Variants in CPNE4 observed in about 807,000 individuals in gnomAD.
CPNE4 encodes copine 4.
In CPNE4, 25 loss-of-function variants were observed where a neutral mutation model predicts 67.9. That is an observed-to-expected ratio of 0.37 (90% CI 0.27 to 0.51). The LOEUF (loss-of-function observed/expected upper bound fraction) is 0.51, where lower values mean the gene tolerates loss of function less well. Among genes scored for constraint, CPNE4 ranks in the 20% least tolerant of loss-of-function variants. The probability of loss-of-function intolerance (pLI) is 0.93; values close to 1 mark genes in which losing one functional copy is unlikely to be tolerated. For missense variants in CPNE4, 464 were observed against 690.8 expected, an observed-to-expected ratio of 0.67 and a Z score of 3.68; for synonymous variants, 242 against 244.9, an observed-to-expected ratio of 0.99 and a Z score of 0.11.
intron 2 of CPNE4, among the ~76,000 whole-genome samples, chr3:131,798,409 A>G (rs2083978793): frequency 1.3e-5 from 2 of 152,186 alleles, no homozygotes; most frequent in African/African-American, 4.8e-5. Context: ...GACAATGGGA[A>G]GCTAAATAGG....
intron 7 of CPNE4, among the ~76,000 whole-genome samples, chr3:131,594,131 G>A (rs113319624): frequency 2.6e-5 from 4 of 152,196 alleles, no homozygotes; most frequent in African/African-American, 9.6e-5. Context: ...TGTTAGCTGT[G>A]AGCTTGTCAT....
intron 2 of CPNE4, among the ~76,000 whole-genome samples, chr3:131,880,830 G>A (rs4854851): frequency 0.63 from 96,229 of 151,900 alleles, 30,688 homozygotes; most frequent in Admixed American, 0.72. Context: ...TGAGAAATAG[G>A]TTGCTTTGAA....
intron 2 of CPNE4, among the ~76,000 whole-genome samples, chr3:131,736,643 T>C (rs546445334): frequency 6.8e-6 from 1 of 147,714 alleles, no homozygotes; most frequent in East Asian, 2.0e-4. Context: ...AAGTTGAAGA[T>C]GCTTACACAA....
At chr3:131,536,928 C>A (rs1935179891) in intron 15 of CPNE4, among the ~76,000 whole-genome samples, 3 of 152,132 alleles carry the variant, frequency 2.0e-5, no homozygotes, top group Admixed American at 2.0e-4. Flanking sequence ...CTAGGGATAA[C>A]AATATGACCC....
chr3:131,961,158 G>A (rs1212101721), intron 1 of CPNE4, among the ~76,000 whole-genome samples: 1 of 152,182 alleles, frequency 6.6e-6, no homozygotes, highest in East Asian at 1.9e-4. Context: ...TACTTTTGTA[G>A]AGAAAGTTAA....
intron 1 of CPNE4, among the ~76,000 whole-genome samples, chr3:131,950,377 T>C (rs1345938161): frequency 2.0e-5 from 3 of 152,194 alleles, no homozygotes; most frequent in African/African-American, 7.2e-5. Flanking sequence ...GCACTACTCT[T>C]AGGGGCCACT....
Position 131,655,916 on chromosome 3 carries a change from C to A in CPNE4, c.681+13759G>T, listed in dbSNP as rs151141355. Among the ~76,000 whole-genome samples the A allele has an allele frequency of 7.1e-3, 1,082 of 152,240 alleles. 9 individuals are homozygous for A. The highest frequency in any genetic ancestry group is 0.025 in the African/African-American group (1,029 of 41,540). On this transcript the variant is annotated intron_variant, in intron 7 of 15. Coordinates refer to ENST00000429747, the MANE Select transcript of CPNE4 (RefSeq NM_130808.3). The stretch of plus-strand genomic sequence containing the variant: ...AAGCAAAGTACTAAACCATAAAATA[C>A]GCCAGTGAAATAAAAAGGACCTGAC...
intron 7 of CPNE4, among the ~76,000 whole-genome samples, chr3:131,657,782 T>C (rs1237530927): frequency 6.6e-6 from 1 of 151,824 alleles, no homozygotes; most frequent in Non-Finnish European, 1.5e-5. Flanking sequence ...GCTAGGATTG[T>C]CTTAATCTCC....
At chr3:131,966,723 G>T (rs552820647) in intron 1 of CPNE4, among the ~76,000 whole-genome samples, 35 of 152,232 alleles carry the variant, frequency 2.3e-4, no homozygotes, top group African/African-American at 8.4e-4. Flanking sequence ...AATTGAGGCA[G>T]TAATTAATAG....
rs1021945710 is a variant in CPNE4, at chr3:132,012,332, C to T, written c.-2+22235G>A. On this transcript the variant is annotated intron_variant, in intron 1 of 15. Transcript: ENST00000429747. ...TACAGGCATGTGTCACGACACCTGGCTAATTTTTGTAATTTTAGTAGAGAC... is the reference window on the plus strand; with the variant it reads ...TACAGGCATGTGTCACGACACCTGGTTAATTTTTGTAATTTTAGTAGAGAC... Among the ~76,000 whole-genome samples the T allele has an allele frequency of 2.0e-5, 3 of 152,056 alleles. 1 individual carries two copies. Among genetic ancestry groups the T allele is most frequent in the African/African-American group, 7.2e-5 (3 of 41,390 alleles).
At chr3:131,777,072 G>A (rs1281238490) in intron 2 of CPNE4, among the ~76,000 whole-genome samples, 1 of 152,128 alleles carries the variant, frequency 6.6e-6, no homozygotes, top group Non-Finnish European at 1.5e-5. Flanking sequence ...ACAGCCATTG[G>A]ACTATAACCC....
chr3:131,858,254 C>G lies in CPNE4; in HGVS notation c.180+47010G>C, dbSNP rs138618400. Among the ~76,000 whole-genome samples the G allele has an allele frequency of 1.9e-3, 293 of 152,176 alleles. 1 individual carries two copies. The highest frequency in any genetic ancestry group is 6.7e-3 in the African/African-American group (277 of 41,550). ...GCATCATTTCAATTCCAGCTTCATA[C>G]TTTCCTGCCATTCAACCCTATCAAC... On this transcript the variant is annotated intron_variant, in intron 2 of 15. Transcript: ENST00000429747.
intron 3 of CPNE4, among the ~76,000 whole-genome samples, chr3:131,717,949 T>TTCTTTCTC (rs2081774126): frequency 6.7e-6 from 1 of 150,292 alleles, no homozygotes; most frequent in Non-Finnish European, 1.5e-5. Flanking sequence ...TTTCTTTTCT[T>TTCTTTCTC]TCTTTCTCTC....
intron 15 of CPNE4, among the ~76,000 whole-genome samples, chr3:131,540,101 T>C (rs150875340): frequency 9.8e-5 from 15 of 152,294 alleles, no homozygotes; most frequent in African/African-American, 3.6e-4. Flanking sequence ...GGATGGCATA[T>C]AACAACACAA....
At chr3:131,917,371 G>A (rs920556477) in intron 1 of CPNE4, among the ~76,000 whole-genome samples, 4 of 152,188 alleles carry the variant, frequency 2.6e-5, no homozygotes, top group African/African-American at 7.2e-5. Flanking sequence ...AAGTTGAAGA[G>A]AGGGATGTTT....
At chr3:131,983,266 C>T (rs1372523452) in intron 1 of CPNE4, among the ~76,000 whole-genome samples, 18 of 152,080 alleles carry the variant, frequency 1.2e-4, no homozygotes, top group Admixed American at 1.2e-3. Context: ...GTAGGATTCA[C>T]CCTTAAAATG....
chr3:131,864,557 G>T (rs1302279563), intron 2 of CPNE4, among the ~76,000 whole-genome samples: 1 of 151,794 alleles, frequency 6.6e-6, no homozygotes, highest in East Asian at 1.9e-4. Flanking sequence ...CATTGATTTT[G>T]TATCCTGAGA....
At chr3:131,644,932 T>G (rs1329985609) in intron 7 of CPNE4, among the ~76,000 whole-genome samples, 1 of 152,100 alleles carries the variant, frequency 6.6e-6, no homozygotes, top group Admixed American at 6.5e-5. Context: ...GTCAATAAAA[T>G]TTTCAGATAA....
intron 7 of CPNE4, among the ~76,000 whole-genome samples, chr3:131,613,720 G>C (rs1232036353): frequency 6.6e-6 from 1 of 152,146 alleles, no homozygotes; most frequent in Non-Finnish European, 1.5e-5. Flanking sequence ...ACCTAGTTCA[G>C]CTGAAAAATT....
Sources: allele counts gnomAD v4.1 joint callset (sites outside exome capture counted in the v4.1 genomes callset), GRCh38; gene constraint gnomAD v4.1.1; transcripts MANE v1.5; gene names NCBI Gene and HGNC (gene_info 2026-07-23, HGNC 2026-07-21).